The following MDGA2 variants were observed in gnomAD, a reference collection of about 807,000 sequenced individuals.
MDGA2 encodes MAM domain-containing glycosylphosphatidylinositol anchor protein 2.
Under a neutral mutation model 117.8 loss-of-function variants are expected in MDGA2, and 40 were observed. That is an observed-to-expected ratio of 0.34 (90% CI 0.26 to 0.44). The LOEUF (loss-of-function observed/expected upper bound fraction) is 0.44, where lower values mean the gene tolerates loss of function less well. Ranked by LOEUF, MDGA2 falls within the 20% of genes least tolerant of loss-of-function variation. MDGA2 has a pLI of 1.00. For synonymous variants in MDGA2, 452 were observed against 439.0 expected, an observed-to-expected ratio of 1.03 and a Z score of -0.37; for missense variants, 1,123 against 1,250.6, an observed-to-expected ratio of 0.90 and a Z score of 1.54.
intron 1 of MDGA2, among the ~76,000 whole-genome samples, chr14:47,605,828 A>T (rs1029707046): frequency 6.6e-6 from 1 of 152,124 alleles, no homozygotes; most frequent in Non-Finnish European, 1.5e-5. Context: ...TTCATAATGT[A>T]ATGCCCCCAG....
intron 2 of MDGA2, among the ~76,000 whole-genome samples, chr14:47,298,863 T>C (rs1011660305): frequency 1.3e-5 from 2 of 151,834 alleles, no homozygotes; most frequent in African/African-American, 4.8e-5. Context: ...TTTTTTTGCA[T>C]TTTTAGTAGA....
At chr14:47,661,954 C>T (rs928234731) in intron 1 of MDGA2, among the ~76,000 whole-genome samples, 2 of 152,002 alleles carry the variant, frequency 1.3e-5, no homozygotes, top group African/African-American at 4.8e-5. Context: ...GCAGGCTGGT[C>T]TCGAGCTCCT....
chr14:46,952,216 A>G (rs1885394365), intron 9 of MDGA2, among the ~76,000 whole-genome samples: 1 of 150,966 alleles, frequency 6.6e-6, no homozygotes, highest in Non-Finnish European at 1.5e-5. Flanking sequence ...AATACAATAA[A>G]GTTATTTTCA....
At chr14:47,408,287 C>T (rs1303628799) in intron 1 of MDGA2, among the ~76,000 whole-genome samples, 1 of 152,074 alleles carries the variant, frequency 6.6e-6, no homozygotes, top group East Asian at 1.9e-4. Flanking sequence ...ATCTACTGAC[C>T]TTGTGATCCA....
chr14:46,979,210 G>A (rs999705526), intron 8 of MDGA2, among the ~76,000 whole-genome samples: 1 of 151,864 alleles, frequency 6.6e-6, no homozygotes, highest in Admixed American at 6.6e-5. Context: ...GGAATACCGG[G>A]AACTGCGCAC....
At chr14:47,372,554 A>C (rs562995139) in intron 1 of MDGA2, among the ~76,000 whole-genome samples, 2 of 152,012 alleles carry the variant, frequency 1.3e-5, no homozygotes, top group African/African-American at 4.8e-5. Flanking sequence ...ACTTAAAAAG[A>C]TTTACTACAT....
At chr14:47,244,383 C>A (rs1887170062) in intron 2 of MDGA2, among the ~76,000 whole-genome samples, 1 of 151,688 alleles carries the variant, frequency 6.6e-6, no homozygotes, top group African/African-American at 2.4e-5. Context: ...TACACTCTTG[C>A]CATTTTTATT....
At chr14:47,104,198 C>A (rs868216372) in intron 5 of MDGA2, among the ~76,000 whole-genome samples, 1 of 152,196 alleles carries the variant, frequency 6.6e-6, no homozygotes, top group Non-Finnish European at 1.5e-5. Context: ...TTATGCTTCT[C>A]AGGCCTCTGA....
At chr14:47,589,800 C>T (rs1354797006) in intron 1 of MDGA2, among the ~76,000 whole-genome samples, 4 of 151,876 alleles carry the variant, frequency 2.6e-5, no homozygotes, top group East Asian at 1.9e-4. Flanking sequence ...TCCACGAACA[C>T]GAGATATTTT....
intron 1 of MDGA2, among the ~76,000 whole-genome samples, chr14:47,557,430 C>T (rs1293205180): frequency 6.6e-6 from 1 of 152,166 alleles, no homozygotes; most frequent in African/African-American, 2.4e-5. Flanking sequence ...TTTGGTTCTA[C>T]AGTTCCTTAG....
intron 2 of MDGA2, among the ~76,000 whole-genome samples, chr14:47,270,798 G>A (rs1215020743): frequency 2.0e-5 from 3 of 152,118 alleles, no homozygotes; most frequent in African/African-American, 7.2e-5. Context: ...GTGTGGGCAC[G>A]TGAGCACACA....
intron 10 of MDGA2, among the ~76,000 whole-genome samples, chr14:46,890,813 G>T (rs1882851987): frequency 6.6e-6 from 1 of 152,064 alleles, no homozygotes; most frequent in South Asian, 2.1e-4. Context: ...AAATATTCTT[G>T]CCCTGCGATC....
intron 2 of MDGA2, among the ~76,000 whole-genome samples, chr14:47,295,027 C>A (rs1889016342): frequency 6.6e-6 from 1 of 152,150 alleles, no homozygotes; most frequent in Non-Finnish European, 1.5e-5. Flanking sequence ...AAAGCAAATG[C>A]TCACTAAGGT....
At chr14:47,397,937 A>G (rs1368414178) in intron 1 of MDGA2, among the ~76,000 whole-genome samples, 1 of 152,172 alleles carries the variant, frequency 6.6e-6, no homozygotes, top group Non-Finnish European at 1.5e-5. Context: ...GGTGACTAAC[A>G]ATTACATAGC....
intron 1 of MDGA2, among the ~76,000 whole-genome samples, chr14:47,411,807 TTCC>T (rs1300436335): frequency 6.6e-6 from 1 of 152,164 alleles, no homozygotes; most frequent in Non-Finnish European, 1.5e-5. Flanking sequence ...CAGGCATCCG[TTCC>T]TATATTGGAA....
chr14:46,852,659 A>T (rs773454462), intron 15 of MDGA2, among the ~76,000 whole-genome samples: 3 of 151,916 alleles, frequency 2.0e-5, no homozygotes, highest in Non-Finnish European at 2.9e-5. Context: ...AGGACTGGGA[A>T]TGGTGACTGT....
At chr14:47,598,354 T>C (rs1050394752) in intron 1 of MDGA2, among the ~76,000 whole-genome samples, 5 of 152,188 alleles carry the variant, frequency 3.3e-5, no homozygotes, top group African/African-American at 7.2e-5. Context: ...AAGCAGGAAT[T>C]TGAACAAATA....
intron 1 of MDGA2, among the ~76,000 whole-genome samples, chr14:47,601,621 A>G (rs1179356869): frequency 6.6e-6 from 1 of 152,206 alleles, no homozygotes; most frequent in Non-Finnish European, 1.5e-5. Context: ...TATTTTAAAT[A>G]AGAAAGACAA....
intron 2 of MDGA2, among the ~76,000 whole-genome samples, chr14:47,223,385 T>G (rs57934523): frequency 9.1e-4 from 138 of 152,318 alleles, no homozygotes; most frequent in African/African-American, 3.1e-3. Flanking sequence ...TCAGTACTCA[T>G]CAGCATTTAT....
Sources: allele counts gnomAD v4.1 joint callset (sites outside exome capture counted in the v4.1 genomes callset), GRCh38; gene constraint gnomAD v4.1.1; transcripts MANE v1.5; gene names NCBI Gene and HGNC (gene_info 2026-07-23, HGNC 2026-07-21).